The following ARB2A variants were observed in gnomAD, a reference collection of about 807,000 sequenced individuals.
The protein encoded by ARB2A is ARB2 cotranscriptional regulator A.
the ARB2A span, among the ~76,000 whole-genome samples, chr5:93,996,554 A>G: frequency 6.6e-6 from 1 of 152,014 alleles, no homozygotes; most frequent in East Asian, 1.9e-4. Context: ...ATTGGCCCCT[A>G]TAATATGTCA....
At chr5:93,975,665 C>T in the ARB2A span, among the ~76,000 whole-genome samples, 1 of 152,092 alleles carries the variant, frequency 6.6e-6, no homozygotes, top group Non-Finnish European at 1.5e-5. Context: ...TCTCTATGCA[C>T]ACAGACTAGA....
chr5:93,803,111 T>C, the ARB2A span, among the ~76,000 whole-genome samples: 13 of 152,134 alleles, frequency 8.5e-5, no homozygotes, highest in Middle Eastern at 3.4e-3. Flanking sequence ...CCTGCTTAGA[T>C]AGGTGATAGT....
chr5:93,824,072 G>A, the ARB2A span: 1 of 1,258,412 alleles, frequency 7.9e-7, no homozygotes, highest in Non-Finnish European at 1.0e-6. Flanking sequence ...AAAGAGTATT[G>A]ATACCAACAG....
At chr5:93,943,975 A>T in the ARB2A span, among the ~76,000 whole-genome samples, 1 of 152,216 alleles carries the variant, frequency 6.6e-6, no homozygotes, top group Admixed American at 6.5e-5. Context: ...CTCTAACTCA[A>T]CTTTCAAAGC....
At chr5:93,641,640 G>A in the ARB2A span, among the ~76,000 whole-genome samples, 1 of 151,846 alleles carries the variant, frequency 6.6e-6, no homozygotes, top group East Asian at 1.9e-4. Flanking sequence ...AAGTTACTTT[G>A]GAAACCACAA....
the ARB2A span, among the ~76,000 whole-genome samples, chr5:93,941,677 C>T: frequency 6.6e-6 from 1 of 152,138 alleles, no homozygotes; most frequent in Non-Finnish European, 1.5e-5. Context: ...TAATTTTAAC[C>T]AATATTTTTC....
At chr5:93,853,940 T>A in the ARB2A span, among the ~76,000 whole-genome samples, 5 of 152,124 alleles carry the variant, frequency 3.3e-5, no homozygotes, top group Admixed American at 6.6e-5. Flanking sequence ...TGTCTCTCCC[T>A]GGCTTTGGTA....
At chr5:94,000,243 C>A in the ARB2A span, among the ~76,000 whole-genome samples, 1 of 152,100 alleles carries the variant, frequency 6.6e-6, no homozygotes, top group Admixed American at 6.6e-5. Flanking sequence ...GCCAAACTAT[C>A]TTCCAATGTG....
At chr5:93,925,125 A>G in the ARB2A span, among the ~76,000 whole-genome samples, 1 of 152,324 alleles carries the variant, frequency 6.6e-6, no homozygotes, top group African/African-American at 2.4e-5. Context: ...ATACAGTTTA[A>G]ATTGTTATAA....
the ARB2A span, among the ~76,000 whole-genome samples, chr5:93,667,015 T>C: frequency 3.3e-4 from 50 of 152,206 alleles, no homozygotes; most frequent in African/African-American, 1.2e-3. Context: ...CTGTAAACTG[T>C]AGATCACAAT....
the ARB2A span, among the ~76,000 whole-genome samples, chr5:94,040,589 T>G: frequency 6.7e-6 from 1 of 149,106 alleles, no homozygotes; most frequent in Non-Finnish European, 1.5e-5. Context: ...CACCTATGAG[T>G]GAGAACATGT....
the ARB2A span, among the ~76,000 whole-genome samples, chr5:93,640,332 C>T: frequency 1.3e-5 from 2 of 151,444 alleles, no homozygotes; most frequent in Non-Finnish European, 2.9e-5. Context: ...GCCTGTAATC[C>T]CAGCTACTCG....
At chr5:94,078,632 G>A in the ARB2A span, among the ~76,000 whole-genome samples, 1 of 152,098 alleles carries the variant, frequency 6.6e-6, no homozygotes, top group Non-Finnish European at 1.5e-5. Flanking sequence ...ATGCAAAATT[G>A]CGTTTGGATC....
At chr5:94,038,693 T>C in the ARB2A span, among the ~76,000 whole-genome samples, 1 of 151,978 alleles carries the variant, frequency 6.6e-6, no homozygotes, top group Non-Finnish European at 1.5e-5. Flanking sequence ...TCCTACTGAA[T>C]GACTGCTATA....
chr5:93,956,676 TA>T, the ARB2A span, among the ~76,000 whole-genome samples: 1,084 of 142,638 alleles, frequency 7.6e-3, 4 homozygotes, highest in African/African-American at 0.017. Flanking sequence ...TAGCCTAATT[TA>T]AAAAAAAAAA....
At chr5:94,060,496 C>T in the ARB2A span, among the ~76,000 whole-genome samples, 1 of 152,144 alleles carries the variant, frequency 6.6e-6, no homozygotes, top group Non-Finnish European at 1.5e-5. Flanking sequence ...AGTCTTATGA[C>T]TATTAAAGAA....
the ARB2A span, among the ~76,000 whole-genome samples, chr5:94,082,240 T>C: frequency 3.9e-5 from 6 of 152,096 alleles, no homozygotes; most frequent in Admixed American, 3.9e-4. Flanking sequence ...CTAATTCACT[T>C]TGGTCATGAT....
At chr5:93,973,504 A>G in the ARB2A span, among the ~76,000 whole-genome samples, 1 of 152,196 alleles carries the variant, frequency 6.6e-6, no homozygotes, top group South Asian at 2.1e-4. Context: ...TTGAGGATAT[A>G]ATTAAGAAGT....
the ARB2A span, among the ~76,000 whole-genome samples, chr5:93,823,286 A>G: frequency 6.6e-6 from 1 of 152,186 alleles, no homozygotes; most frequent in Non-Finnish European, 1.5e-5. Context: ...TTGCATCTAA[A>G]ACAGACAGAA....
Sources: gnomAD v4.1 joint callset for allele counts (sites outside exome capture counted in the v4.1 genomes callset) on GRCh38, gnomAD v4.1.1 for gene constraint, MANE v1.5 for transcripts, NCBI Gene and HGNC (gene_info 2026-07-23, HGNC 2026-07-21) for gene names.